SPON2: variants seen among roughly 807,000 people sequenced by gnomAD.
The protein encoded by SPON2 is spondin 2.
Under a neutral mutation model 29.9 loss-of-function variants are expected in SPON2, and 32 were observed. The observed-to-expected ratio is 1.07, with a 90% CI of 0.81 to 1.44. The LOEUF is 1.44. SPON2 is among the 40% of genes most tolerant of loss of function. The pLI is 0.00. For missense variants in SPON2, 541 were observed against 455.5 expected, an observed-to-expected ratio of 1.19 and a Z score of -1.71; for synonymous variants, 248 against 209.1, an observed-to-expected ratio of 1.19 and a Z score of -1.61.
Position 1,167,259 on chromosome 4 carries a change from A to G in SPON2, c.*213T>C. 1.9e-6 allele frequency: 1 copy of G among 532,184 alleles called. No homozygotes were observed. Among genetic ancestry groups the G allele is most frequent in the South Asian group, 3.0e-5 (1 of 32,978 alleles). The allele number at this position is 532,184 out of a possible 1,614,324, so 33.0% of individuals were successfully genotyped here. A position where few individuals can be genotyped will look rare whatever the true frequency, so the allele number is the denominator to read the frequency against. On this transcript the variant is annotated 3_prime_UTR_variant, in exon 6 of 6. Transcript: ENST00000290902. The stretch of plus-strand genomic sequence containing the variant: ...GAGCAGACGGGACACGGGGGCCCCT[A>G]AGAAGCAAGGTTGGGAAAGGAGGAG...
At chr4:1,203,342 A>G (rs774831314) in intron 1 of SPON2, among the ~76,000 whole-genome samples, 1 of 152,138 alleles carries the variant, frequency 6.6e-6, no homozygotes, top group Non-Finnish European at 1.5e-5. Context: ...TTTGACATAA[A>G]TGGTCTCATG....
intron 5 of SPON2, among the ~76,000 whole-genome samples, chr4:1,169,014 G>A (rs557492228): frequency 6.6e-6 from 1 of 152,154 alleles, no homozygotes; most frequent in Non-Finnish European, 1.5e-5. Flanking sequence ...GGCACAGCTG[G>A]CTCTGTCCGT....
intron 1 of SPON2, among the ~76,000 whole-genome samples, chr4:1,186,012 A>AG (rs1193787591): frequency 5.3e-5 from 8 of 149,734 alleles, no homozygotes; most frequent in African/African-American, 1.9e-4. Context: ...TGGGAGGCCG[A>AG]GGCGGGCGGA....
chr4:1,194,399 G>C (rs6840196), intron 1 of SPON2, among the ~76,000 whole-genome samples: 76,666 of 152,098 alleles, frequency 0.5, 19,680 homozygotes, highest in Non-Finnish European at 0.54. Context: ...ACCAGCCCCC[G>C]GGGGACAGCG....
At chr4:1,180,835 T>C (rs1054078413) in intron 1 of SPON2, among the ~76,000 whole-genome samples, 1 of 152,048 alleles carries the variant, frequency 6.6e-6, no homozygotes, top group African/African-American at 2.4e-5. Context: ...GTATCCAGCT[T>C]GAGGAAAAAA....
At chr4:1,193,745 G>GGAGGGGGTGTGGGAAGGACGTGGA (rs1306482849) in intron 1 of SPON2, among the ~76,000 whole-genome samples, 1 of 42,028 alleles carries the variant, frequency 2.4e-5, no homozygotes, top group African/African-American at 2.2e-4. Context: ...GGAAGGACGT[G>GGAGGGGGTGTGGGAAGGACGTGGA]GGGGGTGGTG....
chr4:1,174,822 A>T (rs777989636), upstream of SPON2, among the ~76,000 whole-genome samples: 3 of 152,214 alleles, frequency 2.0e-5, no homozygotes, highest in Non-Finnish European at 2.9e-5. Context: ...CCAGCACTTC[A>T]TCTGCTGAGA....
chr4:1,188,277 C>T (rs1560208349), intron 1 of SPON2, among the ~76,000 whole-genome samples: 1 of 149,276 alleles, frequency 6.7e-6, no homozygotes, highest in African/African-American at 2.5e-5. Flanking sequence ...TATTTAACAC[C>T]AAAGAAGGCC....
rs146338564 is a variant in SPON2 at position 1,207,511 on chromosome 4, C to G, written c.-234+369G>C. ...CAGCAGAGAGGCCACCCAGAAGAGC[C>G]GCTGTTTCCATGTGCCGCGCTTACA... On this transcript the variant is annotated intron_variant, in intron 1 of 3. Transcript: ENST00000509233. Among the ~76,000 whole-genome samples, 414 of 152,286 alleles carry G rather than the reference C, an allele frequency of 2.7e-3. 1 individual carries two copies. The highest frequency in any genetic ancestry group is 9.6e-3 in the African/African-American group (398 of 41,546).
upstream of SPON2, among the ~76,000 whole-genome samples, chr4:1,195,665 C>T (rs956489724): frequency 6.6e-6 from 1 of 152,248 alleles, no homozygotes; most frequent in African/African-American, 2.4e-5. Flanking sequence ...GGCAGAGGCG[C>T]AAAGCCTGGT....
Position 1,201,134 on chromosome 4 carries a change from G to A in SPON2, c.-234+6746C>T, listed in dbSNP as rs1261205189. 8.8e-6 allele frequency: 4 copies of A among 455,618 alleles called. No individual in the cohort carries two copies. The East Asian group carries it at 2.8e-4, about 32-fold the overall frequency. The allele number at this position is 455,618 out of a possible 1,614,324, so 28.2% of individuals were successfully genotyped here. ...GGCCCTCTGCGGTCACCCACAGCCA[G>A]CGGGACCCAGATTCCCTGCAGGCCA... On this transcript the variant is annotated intron_variant, in intron 1 of 3. Coordinates refer to the SPON2 transcript ENST00000509233.
In SPON2 at chr4:1,170,479, C is replaced by G; in HGVS notation, c.734G>C (p.Arg245Pro). The G allele has an allele frequency of 1.2e-6, 2 of 1,614,004 alleles. No homozygotes were observed. The highest frequency in any genetic ancestry group is 1.7e-6 in the Non-Finnish European group (2 of 1,179,944). The change falls in exon 5 of 6, where the codon CGA (arginine) becomes CCA (proline). Residue 245 changes from arginine (R) to proline (P), a missense_variant. By Grantham distance (103) the Arg-to-Pro change is moderately radical. Transcript: ENST00000290902. The stretch of plus-strand genomic sequence containing the variant: ...AGGGATGAAGGCCCTGGGGCTCTGT[C>G]GCAGCCGCACCAGTGTCACCCTGGC... ...PIARVTLVRLRQSPRAFIPPA... is the reference protein window; with the variant it reads ...PIARVTLVRLPQSPRAFIPPA...
chr4:1,203,252 C>T (rs959213628), intron 1 of SPON2, among the ~76,000 whole-genome samples: 1 of 152,184 alleles, frequency 6.6e-6, no homozygotes, highest in African/African-American at 2.4e-5. Context: ...TTCCCATTTT[C>T]CCCCAGCTGT....
chr4:1,171,482 G>T lies in SPON2; in HGVS notation c.225C>A (p.Ala75=). 1 of 1,610,852 alleles carries T rather than the reference G, an allele frequency of 6.2e-7. No individual in the cohort carries two copies. Among genetic ancestry groups the T allele is most frequent in the South Asian group, 1.1e-5 (1 of 91,038 alleles). ...ACATGCTGTAGTCGGAGCTATGCGCGGCCCCTGCAGGACCACCCGGCCGCG... is the reference window on the plus strand; with the variant it reads ...ACATGCTGTAGTCGGAGCTATGCGCTGCCCCTGCAGGACCACCCGGCCGCG... ...PPAQWSSLLG[A]AHSSDYSMWR... is the part of the protein sequence containing the mutation. The change falls in exon 3 of 6, where the codon GCC becomes GCA. Residue 75 remains alanine (A), a synonymous_variant. Coordinates refer to ENST00000290902, the MANE Select transcript of SPON2 (RefSeq NM_012445.4).
intron 1 of SPON2, among the ~76,000 whole-genome samples, chr4:1,194,381 G>A (rs1727991395): frequency 6.6e-6 from 1 of 152,202 alleles, no homozygotes; most frequent in African/African-American, 2.4e-5. Context: ...CAGGGTGGGA[G>A]GCCTGGGACC....
chr4:1,167,657 CTG>C lies in SPON2; in HGVS notation c.812-3_812-2del, dbSNP rs750229311. ...TCGCAGTCCAGCGGCGTTTCTGGAACTGGACCAAGCAAAGGGGAGACCGAGGT... is the reference window on the plus strand; with the variant it reads ...TCGCAGTCCAGCGGCGTTTCTGGAACGACCAAGCAAAGGGGAGACCGAGGT... On this transcript the variant is annotated splice_acceptor_variant and splice_polypyrimidine_tract_variant and intron_variant, in intron 5 of 5. Transcript: ENST00000290902. LOFTEE classifies it high-confidence loss of function. The C allele has an allele frequency of 6.3e-7, 1 of 1,596,576 alleles. No homozygotes were observed. The highest frequency in any genetic ancestry group is 1.1e-5 in the South Asian group (1 of 89,642).
intron 1 of SPON2, among the ~76,000 whole-genome samples, chr4:1,203,680 C>T (rs959696525): frequency 1.3e-5 from 2 of 152,086 alleles, no homozygotes; most frequent in South Asian, 2.1e-4. Context: ...ACAGAACAGC[C>T]GCATGTGAGG....
chr4:1,197,348 TA>T, upstream of SPON2, among the ~76,000 whole-genome samples: 1 of 152,286 alleles, frequency 6.6e-6, no homozygotes, highest in Non-Finnish European at 1.5e-5. Flanking sequence ...CAAAAAATTG[TA>T]AAATAAATAA....
Position 1,170,277 on chromosome 4 carries a change from A to G in SPON2, c.811+125T>C. 4.6e-6 allele frequency: 4 copies of G among 866,908 alleles called. No individual in the cohort carries two copies. In the South Asian group the frequency reaches 4.7e-5, roughly 10 times the overall value. 53.7% of individuals were successfully genotyped at this position (866,908 alleles called of 1,614,324 possible). A position where few individuals can be genotyped will look rare whatever the true frequency, so the allele number is the denominator to read the frequency against. ...CAGAATCCTAAATCTTCTAGGCACC[A>G]TCTTGCAGTACGCACTACGAATCCC... On this transcript the variant is annotated intron_variant, in intron 5 of 5. Coordinates refer to ENST00000290902, the MANE Select transcript of SPON2 (RefSeq NM_012445.4).
Sources: gnomAD v4.1 joint callset for allele counts (sites outside exome capture counted in the v4.1 genomes callset) on GRCh38, gnomAD v4.1.1 for gene constraint, MANE v1.5 for transcripts, NCBI Gene and HGNC (gene_info 2026-07-23, HGNC 2026-07-21) for gene names.